The following TXLNB variants were observed in gnomAD, a reference collection of about 807,000 sequenced individuals.
The protein encoded by TXLNB is taxilin beta.
In TXLNB, 37 loss-of-function variants were observed where a neutral mutation model predicts 57.4. The observed-to-expected ratio is 0.64, with a 90% CI of 0.50 to 0.85. TXLNB has a LOEUF of 0.85. Ranked by LOEUF, TXLNB falls within the 40% of genes least tolerant of loss-of-function variation. The pLI, the probability that TXLNB is intolerant of heterozygous loss-of-function variation, is 0.00. For missense variants in TXLNB, 848 were observed against 825.6 expected (o/e 1.03, Z -0.33); for synonymous variants, 302 against 309.6 (o/e 0.98, Z 0.26).
At chr6:139,188,940 G>A in the TXLNB span, among the ~76,000 whole-genome samples, 153 of 152,194 alleles carry the variant, frequency 1.0e-3, no homozygotes, top group Non-Finnish European at 1.8e-3. Context: ...ATTTTTAGTA[G>A]AGACGGGGTT....
the TXLNB span, among the ~76,000 whole-genome samples, chr6:139,318,283 A>G: frequency 1.3e-5 from 2 of 151,224 alleles, no homozygotes; most frequent in Non-Finnish European, 3.0e-5. Context: ...AAAAAAAAAA[A>G]AAAAAGAAAA....
intron 4 of TXLNB, among the ~76,000 whole-genome samples, chr6:139,263,913 G>T (rs1485340284): frequency 6.6e-6 from 1 of 152,142 alleles, no homozygotes; most frequent in African/African-American, 2.4e-5. Flanking sequence ...TTTAACAGAA[G>T]TAATTGTACA....
chr6:139,198,254 C>T, the TXLNB span, among the ~76,000 whole-genome samples: 1 of 151,404 alleles, frequency 6.6e-6, no homozygotes, highest in South Asian at 2.1e-4. Flanking sequence ...CATGCCCAGA[C>T]AAAATACTAA....
At chr6:139,174,043 C>T in the TXLNB span, among the ~76,000 whole-genome samples, 1 of 152,104 alleles carries the variant, frequency 6.6e-6, no homozygotes, top group Non-Finnish European at 1.5e-5. Flanking sequence ...AGCAGGAAGT[C>T]CTGCGTGAAT....
chr6:139,232,069 A>G, the TXLNB span, among the ~76,000 whole-genome samples: 1 of 152,176 alleles, frequency 6.6e-6, no homozygotes, highest in African/African-American at 2.4e-5. Flanking sequence ...TCACACTGCT[A>G]TAAAGAACTG....
At chr6:139,237,140 T>C (rs985887625), downstream of TXLNB, among the ~76,000 whole-genome samples, 2 of 152,178 alleles carry the variant, frequency 1.3e-5, no homozygotes. Context: ...ATGTCATATC[T>C]TATCTTAAGA....
chr6:139,208,734 C>A, the TXLNB span, among the ~76,000 whole-genome samples: 1 of 152,156 alleles, frequency 6.6e-6, no homozygotes, highest in African/African-American at 2.4e-5. Context: ...TTGACAAAAT[C>A]TGGCATCCCT....
chr6:139,256,563 C>T (rs1195024025), intron 6 of TXLNB, among the ~76,000 whole-genome samples: 2 of 152,240 alleles, frequency 1.3e-5, no homozygotes, highest in African/African-American at 2.4e-5. Flanking sequence ...CTCCTGACCT[C>T]GTGATCTGCC....
At chr6:139,233,449 AT>A in the TXLNB span, among the ~76,000 whole-genome samples, 1 of 124,398 alleles carries the variant, frequency 8.0e-6, no homozygotes, top group South Asian at 2.5e-4. Context: ...ATAGATAGAT[AT>A]TTTTTTTGAG....
intron 2 of TXLNB, chr6:139,277,243 T>G (rs1419285461): frequency 5.0e-6 from 1 of 201,936 alleles, no homozygotes; most frequent in African/African-American, 2.3e-5. Context: ...ATCAAAAGAT[T>G]TTATACATCA....
the TXLNB span, chr6:139,180,697 G>A: frequency 6.5e-6 from 1 of 152,736 alleles, no homozygotes; most frequent in East Asian, 1.9e-4. Context: ...AATAGTTAAA[G>A]AATGTTGATA....
At chr6:139,164,558 T>C in the TXLNB span, among the ~76,000 whole-genome samples, 2 of 152,132 alleles carry the variant, frequency 1.3e-5, no homozygotes, top group Non-Finnish European at 2.9e-5. Flanking sequence ...GCCTAGAGGA[T>C]GAGGAGAGAA....
chr6:139,206,548 T>A, the TXLNB span, among the ~76,000 whole-genome samples: 1 of 151,920 alleles, frequency 6.6e-6, no homozygotes, highest in Non-Finnish European at 1.5e-5. Flanking sequence ...TGTGCCTGTA[T>A]TCCCAGCTAC....
intron 2 of TXLNB, among the ~76,000 whole-genome samples, chr6:139,278,733 C>T (rs574466915): frequency 1.8e-4 from 28 of 152,352 alleles, no homozygotes; most frequent in East Asian, 5.8e-4. Context: ...TGGCCAGGCA[C>T]GGTGGCTCAC....
chr6:139,293,084 T>G (rs538744134), upstream of TXLNB, among the ~76,000 whole-genome samples: 2 of 152,284 alleles, frequency 1.3e-5, no homozygotes, highest in Non-Finnish European at 2.9e-5. Flanking sequence ...GGGTTCAATG[T>G]AATCATAAGG....
rs1776599727 is a variant in TXLNB at position 139,265,763 on chromosome 6, C to T, written c.688-2990G>A. ...GAAGTTGGCACTTGTACATGAGTTTCCTATTCTTTATAGCTTTTAGCTTGA... is the reference window on the plus strand; with the variant it reads ...GAAGTTGGCACTTGTACATGAGTTTTCTATTCTTTATAGCTTTTAGCTTGA... On this transcript the variant is annotated intron_variant, in intron 4 of 9. Transcript: ENST00000358430. Among the ~76,000 whole-genome samples, 3 of 152,186 alleles carry T rather than the reference C, an allele frequency of 2.0e-5. No individual in the cohort carries two copies. In the South Asian group the frequency reaches 6.2e-4, roughly 32 times the overall value.
chr6:139,315,719 G>T, the TXLNB span, among the ~76,000 whole-genome samples: 2 of 152,150 alleles, frequency 1.3e-5, no homozygotes, highest in Admixed American at 1.3e-4. Context: ...AGACAAGGGA[G>T]TTTAAAATTC....
At chr6:139,291,629 T>C (rs1282669093) in intron 1 of TXLNB, among the ~76,000 whole-genome samples, 1 of 152,228 alleles carries the variant, frequency 6.6e-6, no homozygotes, top group East Asian at 1.9e-4. Flanking sequence ...TTGTTACTTT[T>C]CAATCATCCA....
At chr6:139,263,416 T>A (rs1020900905) in intron 4 of TXLNB, among the ~76,000 whole-genome samples, 6 of 152,196 alleles carry the variant, frequency 3.9e-5, no homozygotes, top group African/African-American at 1.4e-4. Flanking sequence ...GAAAGAACAA[T>A]CATTAAATGT....
Sources: gnomAD v4.1 joint callset for allele counts (sites outside exome capture counted in the v4.1 genomes callset) on GRCh38, gnomAD v4.1.1 for gene constraint, MANE v1.5 for transcripts, NCBI Gene and HGNC (gene_info 2026-07-23, HGNC 2026-07-21) for gene names.